The following NKAIN2 variants were observed in gnomAD, a reference collection of about 807,000 sequenced individuals.
NKAIN2 encodes sodium/potassium-transporting ATPase subunit beta-1-interacting protein 2.
NKAIN2 carries 14 observed loss-of-function variants against 32.6 expected under a neutral mutation model. That is an observed-to-expected ratio of 0.43 (90% confidence interval 0.28 to 0.67). The LOEUF (loss-of-function observed/expected upper bound fraction) is 0.67. NKAIN2 is among the 30% of genes least tolerant of loss of function. The pLI is 0.17. For synonymous variants in NKAIN2, 80 were observed against 87.2 expected (o/e 0.92, Z 0.46); for missense variants, 198 against 258.3 (o/e 0.77, Z 1.60).
chr6:124,097,904 C>T (rs866615931), intron 1 of NKAIN2, among the ~76,000 whole-genome samples: 1 of 152,162 alleles, frequency 6.6e-6, no homozygotes, highest in Non-Finnish European at 1.5e-5. Flanking sequence ...GCAGAGCCAA[C>T]ATTTACGCTG....
At chr6:124,810,934 A>G (rs571814710) in intron 5 of NKAIN2, among the ~76,000 whole-genome samples, 9 of 149,908 alleles carry the variant, frequency 6.0e-5, no homozygotes, top group South Asian at 2.1e-4. Context: ...AAAAAAAAAA[A>G]GCTCAGAGTC....
intron 4 of NKAIN2, among the ~76,000 whole-genome samples, chr6:124,689,782 T>C (rs1191387265): frequency 6.6e-6 from 1 of 152,094 alleles, no homozygotes; most frequent in Non-Finnish European, 1.5e-5. Context: ...ATTATGTGGC[T>C]CTATTTCTGG....
At chr6:124,589,737 T>A (rs2114958130) in intron 3 of NKAIN2, among the ~76,000 whole-genome samples, 1 of 152,288 alleles carries the variant, frequency 6.6e-6, no homozygotes, top group Admixed American at 6.5e-5. Context: ...GGTATACATG[T>A]GCCATGGTGG....
chr6:123,810,858 T>C (rs78641726), intron 1 of NKAIN2, among the ~76,000 whole-genome samples: 2,716 of 152,298 alleles, frequency 0.018, 75 homozygotes, highest in African/African-American at 0.061. Context: ...TTATTTAAAA[T>C]ATGTGTTGAA....
At chr6:123,837,020 T>C (rs1774657432) in intron 1 of NKAIN2, among the ~76,000 whole-genome samples, 1 of 152,152 alleles carries the variant, frequency 6.6e-6, no homozygotes, top group South Asian at 2.1e-4. Flanking sequence ...GAGGTGTTTG[T>C]TACATTCATT....
chr6:123,968,840 G>C (rs1410586622), intron 1 of NKAIN2, among the ~76,000 whole-genome samples: 1 of 152,180 alleles, frequency 6.6e-6, no homozygotes, highest in Non-Finnish European at 1.5e-5. Context: ...GTCCCAGGCA[G>C]ACCTGAGCCT....
In NKAIN2 at chr6:124,818,388, T is replaced by C. The variant is rs199985366; in HGVS notation, c.537T>C (p.Phe179=). The C allele has an allele frequency of 8.2e-6, 13 of 1,582,824 alleles. No individual in the cohort carries two copies. Among genetic ancestry groups the C allele is most frequent in the Non-Finnish European group, 1.1e-5 (13 of 1,152,638 alleles). ...AATTAATGAATTGTCCCTTTTCAGT[T>C]GATTTCATAGGTGGCTTTGACTCTT... ...VKCITEEEDS[F]DFIGGFDSYG... The change falls in exon 6 of 7, where the codon TTT becomes TTC. Residue 179 remains phenylalanine, a splice_region_variant and synonymous_variant. Transcript: ENST00000368417.
chr6:124,140,707 TTGTGTC>T (rs1297938455), intron 1 of NKAIN2, among the ~76,000 whole-genome samples: 1 of 152,186 alleles, frequency 6.6e-6, no homozygotes, highest in Non-Finnish European at 1.5e-5. Flanking sequence ...AAAAAAGTGT[TTGTGTC>T]TGTATTTTAC....
chr6:123,989,101 T>C (rs1779300202), intron 1 of NKAIN2, among the ~76,000 whole-genome samples: 1 of 152,242 alleles, frequency 6.6e-6, no homozygotes, highest in Non-Finnish European at 1.5e-5. Flanking sequence ...AACTGGAGCG[T>C]GAATATCCCT....
At chr6:123,956,157 A>C (rs888047792) in intron 1 of NKAIN2, among the ~76,000 whole-genome samples, 11 of 152,212 alleles carry the variant, frequency 7.2e-5, no homozygotes. Context: ...AAATACATGG[A>C]TGCTTGACTT....
At chr6:124,522,491 G>A (rs1364911142) in intron 3 of NKAIN2, among the ~76,000 whole-genome samples, 1 of 152,134 alleles carries the variant, frequency 6.6e-6, no homozygotes, top group Non-Finnish European at 1.5e-5. Context: ...AATATAAAAT[G>A]CCTCAGTGAA....
At chr6:124,407,034 C>T (rs1228363527) in intron 3 of NKAIN2, among the ~76,000 whole-genome samples, 1 of 152,060 alleles carries the variant, frequency 6.6e-6, no homozygotes, top group Non-Finnish European at 1.5e-5. Flanking sequence ...CATTTCATTT[C>T]ATGAACAATG....
intron 1 of NKAIN2, among the ~76,000 whole-genome samples, chr6:123,948,421 C>A (rs1777169585): frequency 6.6e-6 from 1 of 151,900 alleles, no homozygotes; most frequent in Non-Finnish European, 1.5e-5. Context: ...TCCTCTCCAG[C>A]ATCTCTTATT....
chr6:124,156,564 CAT>C (rs1452741735), intron 1 of NKAIN2, among the ~76,000 whole-genome samples: 3 of 152,148 alleles, frequency 2.0e-5, no homozygotes, highest in Non-Finnish European at 2.9e-5. Context: ...GTATCTGAAA[CAT>C]AGAGTGGGAG....
chr6:123,828,547 A>G (rs1241285860), intron 1 of NKAIN2, among the ~76,000 whole-genome samples: 1 of 152,126 alleles, frequency 6.6e-6, no homozygotes, highest in Admixed American at 6.6e-5. Context: ...TACAGTTCTG[A>G]TGTTATTCTA....
Position 124,220,129 on chromosome 6 carries a change from T to C in NKAIN2, c.55-62876T>C, listed in dbSNP as rs957636626. 1.1e-4 allele frequency among the ~76,000 whole-genome samples: 17 copies of C among 152,190 alleles called. No homozygotes were observed. In the Middle Eastern group the frequency reaches 0.01, roughly 91 times the overall value. On this transcript the variant is annotated intron_variant, in intron 1 of 6. Coordinates refer to ENST00000368417, the MANE Select transcript of NKAIN2 (RefSeq NM_001040214.3). ...GAGGGAGGTTATTAGATCATGGGGGTGGCTTTCCCCAAGCTCTTCTCATAA... is the reference window on the plus strand; with the variant it reads ...GAGGGAGGTTATTAGATCATGGGGGCGGCTTTCCCCAAGCTCTTCTCATAA...
intron 3 of NKAIN2, among the ~76,000 whole-genome samples, chr6:124,365,515 T>C (rs1236364633): frequency 6.6e-6 from 1 of 151,688 alleles, no homozygotes; most frequent in Non-Finnish European, 1.5e-5. Context: ...CTGAATAAAA[T>C]AATACAGCTT....
intron 2 of NKAIN2, among the ~76,000 whole-genome samples, chr6:124,324,115 G>A (rs1238577368): frequency 2.0e-5 from 3 of 152,016 alleles, no homozygotes; most frequent in African/African-American, 7.2e-5. Flanking sequence ...TGTAAAAATT[G>A]TACAGTAATT....
chr6:124,813,329 G>A (rs1379317903), intron 5 of NKAIN2, among the ~76,000 whole-genome samples: 1 of 152,082 alleles, frequency 6.6e-6, no homozygotes, highest in Non-Finnish European at 1.5e-5. Flanking sequence ...GATCCTTACA[G>A]TATTAGATGG....
Sources: allele counts gnomAD v4.1 joint callset (sites outside exome capture counted in the v4.1 genomes callset), GRCh38; gene constraint gnomAD v4.1.1; transcripts MANE v1.5; gene names NCBI Gene and HGNC (gene_info 2026-07-23, HGNC 2026-07-21).